Variants in RAB30 observed in about 807,000 individuals in gnomAD.
The protein encoded by RAB30 is ras-related protein Rab-30.
In RAB30, 9 loss-of-function variants were observed where a neutral mutation model predicts 25.1. That is an observed-to-expected ratio of 0.36 (90% confidence interval 0.22 to 0.63). RAB30 has a LOEUF of 0.63. Among genes scored for constraint, RAB30 ranks in the 20% least tolerant of loss-of-function variants. The probability of loss-of-function intolerance (pLI) is 0.69; values close to 1 mark genes in which losing one functional copy is unlikely to be tolerated. For missense variants in RAB30, 140 were observed against 243.5 expected (o/e 0.58, Z 2.83); for synonymous variants, 77 against 86.4 (o/e 0.89, Z 0.60).
At chr11:83,008,984 C>T (rs970939588) in intron 1 of RAB30, among the ~76,000 whole-genome samples, 10 of 152,074 alleles carry the variant, frequency 6.6e-5, no homozygotes, top group African/African-American at 2.4e-4. Flanking sequence ...TTCCCATATA[C>T]GTTAGACTCC....
At chr11:83,024,032 T>A (rs950678687) in intron 1 of RAB30, among the ~76,000 whole-genome samples, 52 of 152,160 alleles carry the variant, frequency 3.4e-4, no homozygotes, top group African/African-American at 1.1e-3. Context: ...GACTATCTAC[T>A]CCATATCCCG....
At position 82,986,022 on chromosome 11, in the gene RAB30, CG is replaced by C. The variant is rs1170216162; in HGVS notation, c.361+1564del. Among the ~76,000 whole-genome samples, 5 of 150,994 alleles carry C rather than the reference CG, an allele frequency of 3.3e-5. No individual in the cohort carries two copies. In the East Asian group the frequency reaches 9.6e-4, roughly 29 times the overall value. On this transcript the variant is annotated intron_variant, in intron 4 of 4. Coordinates refer to ENST00000527633, the MANE Select transcript of RAB30 (RefSeq NM_001286060.2). ...TTGGATCTTAATTTGAACAAACAAACGAAAAAAAATCATGAGTCGATCAGGG... is the reference window on the plus strand; with the variant it reads ...TTGGATCTTAATTTGAACAAACAAACAAAAAAAATCATGAGTCGATCAGGG...
At chr11:83,025,913 G>C (rs1009510960) in intron 1 of RAB30, among the ~76,000 whole-genome samples, 8 of 152,174 alleles carry the variant, frequency 5.3e-5, no homozygotes, top group South Asian at 2.1e-4. Flanking sequence ...ACAAGGCCAG[G>C]CATGGTGACT....
chr11:82,984,181 A>G (rs1359362851), intron 4 of RAB30, among the ~76,000 whole-genome samples: 2 of 152,226 alleles, frequency 1.3e-5, no homozygotes, highest in Non-Finnish European at 2.9e-5. Context: ...CCTGATTGAT[A>G]AATGACTTCT....
At chr11:82,987,814 TG>T in intron 3 of RAB30, 44 bp from the exon 4 acceptor site, 1 of 1,354,572 alleles carries the variant, frequency 7.4e-7, no homozygotes, top group Non-Finnish European at 9.8e-7. Context: ...AGGATCAGGT[TG>T]GAGAAAAAAA....
chr11:82,994,566 C>T (rs1054906886), intron 2 of RAB30, among the ~76,000 whole-genome samples: 2 of 152,110 alleles, frequency 1.3e-5, no homozygotes, highest in African/African-American at 4.8e-5. Context: ...ATACTTAAAA[C>T]TAGTTATCAG....
chr11:83,047,716 A>G (rs556455504), intron 1 of RAB30, among the ~76,000 whole-genome samples: 1 of 152,318 alleles, frequency 6.6e-6, no homozygotes, highest in African/African-American at 2.4e-5. Context: ...TCACCCATAA[A>G]TCACTGCTAT....
chr11:83,059,727 C>T (rs1251713108), intron 1 of RAB30, among the ~76,000 whole-genome samples: 1 of 152,142 alleles, frequency 6.6e-6, no homozygotes. Context: ...CAAAATCTCG[C>T]CTACTTTATC....
In RAB30 at chr11:82,978,764, C is replaced by A. The variant is rs1856589630; in HGVS notation, c.*3401G>T. 1 of 152,124 alleles carries A rather than the reference C, an allele frequency of 6.6e-6. No individual in the cohort carries two copies. The highest frequency in any genetic ancestry group is 6.5e-5 in the Admixed American group (1 of 15,282). The allele number at this position is 152,124 out of a possible 1,614,324, so 9.4% of individuals were successfully genotyped here. On this transcript the variant is annotated 3_prime_UTR_variant, in exon 5 of 5. Transcript: ENST00000527633. ...TTCATGAATGAAAGAAGATAAGAAC[C>A]CAGTCCTTTGCTAAATCTGGCGTCT...
At chr11:83,068,169 G>C (rs1294699709) in intron 1 of RAB30, among the ~76,000 whole-genome samples, 2 of 151,070 alleles carry the variant, frequency 1.3e-5, no homozygotes, top group African/African-American at 4.9e-5. Context: ...ATGGTGGCGG[G>C]CACCTGTAAT....
chr11:83,051,697 C>A (rs201423954), intron 1 of RAB30, among the ~76,000 whole-genome samples: 3,705 of 150,206 alleles, frequency 0.025, 139 homozygotes, highest in African/African-American at 0.085. Context: ...AAAAAAAAAA[C>A]AAAAACCCTC....
chr11:83,010,596 G>T (rs1188790156), intron 1 of RAB30, among the ~76,000 whole-genome samples: 8 of 152,020 alleles, frequency 5.3e-5, no homozygotes, highest in Non-Finnish European at 1.2e-4. Flanking sequence ...GGGCTCAATA[G>T]TGGGGAGGGA....
chr11:83,037,403 C>T (rs1265818048), intron 1 of RAB30, among the ~76,000 whole-genome samples: 1 of 151,940 alleles, frequency 6.6e-6, no homozygotes, highest in African/African-American at 2.4e-5. Context: ...GCGCCCACCA[C>T]CATGCCTGGC....
intron 1 of RAB30, among the ~76,000 whole-genome samples, chr11:83,016,075 A>AT (rs1485392426): frequency 6.6e-5 from 10 of 152,034 alleles, no homozygotes; most frequent in African/African-American, 2.2e-4. Context: ...GAGGTTGAGG[A>AT]TGCAGTGAGC....
chr11:83,055,297 G>A (rs1449540578), intron 1 of RAB30, among the ~76,000 whole-genome samples: 2 of 152,216 alleles, frequency 1.3e-5, no homozygotes, highest in African/African-American at 4.8e-5. Flanking sequence ...ACAACTTCAT[G>A]AACCTGGTTT....
At chr11:83,034,927 G>GA (rs1468828673) in intron 1 of RAB30, 1 of 151,238 alleles carries the variant, frequency 6.6e-6, no homozygotes, top group African/African-American at 2.4e-5. Flanking sequence ...ACAGAGAGCA[G>GA]AAAAAAATAA....
intron 1 of RAB30, among the ~76,000 whole-genome samples, chr11:83,036,649 T>C (rs772589828): frequency 2.6e-5 from 4 of 152,186 alleles, no homozygotes; most frequent in Non-Finnish European, 4.4e-5. Flanking sequence ...TGAGGATAGA[T>C]GACAATGCAG....
At chr11:83,011,912 T>C (rs956351969) in intron 1 of RAB30, among the ~76,000 whole-genome samples, 2 of 152,112 alleles carry the variant, frequency 1.3e-5, no homozygotes, top group Admixed American at 1.3e-4. Flanking sequence ...CATATCACTA[T>C]GGACTTCTCT....
chr11:83,066,793 C>A (rs1463738193), intron 1 of RAB30, among the ~76,000 whole-genome samples: 2 of 152,206 alleles, frequency 1.3e-5, no homozygotes, highest in Non-Finnish European at 2.9e-5. Context: ...CTCAGGTGAT[C>A]CACCCACCTC....
Sources: allele counts gnomAD v4.1 joint callset (sites outside exome capture counted in the v4.1 genomes callset), GRCh38; gene constraint gnomAD v4.1.1; transcripts MANE v1.5; gene names NCBI Gene and HGNC (gene_info 2026-07-23, HGNC 2026-07-21).